CAPN11: variants seen among roughly 807,000 people sequenced by gnomAD.
The protein encoded by CAPN11 is calpain 11.
CAPN11 carries 108 observed loss-of-function variants against 105.3 expected under a neutral mutation model. The observed-to-expected ratio is 1.03, with a 90% CI of 0.88 to 1.20. The LOEUF is 1.20. Ranked by LOEUF, CAPN11 falls within the 50% of genes most tolerant of loss-of-function variation. The probability of loss-of-function intolerance (pLI) is 0.00; values close to 1 mark genes in which losing one functional copy is unlikely to be tolerated. For synonymous variants in CAPN11, 329 were observed against 344.5 expected (o/e 0.96, Z 0.50); for missense variants, 883 against 924.8 (o/e 0.95, Z 0.59).
In CAPN11 at chr6:44,173,306, C is replaced by T. The variant is rs1407041075; in HGVS notation, c.751C>T (p.Leu251Phe). 2.5e-6 allele frequency: 4 copies of T among 1,613,976 alleles called. No homozygotes were observed. The highest frequency in any genetic ancestry group is 3.4e-6 in the Non-Finnish European group (4 of 1,179,872). Reference protein sequence around the residue: ...FTGGVAQSFQLQRPPQNLLRL... With the variant: ...FTGGVAQSFQFQRPPQNLLRL... Reference sequence around the variant, plus strand: ...AGGAGGCGTGGCCCAGAGCTTCCAACTCCAGAGGCCCCCTCAGAACCTGCT... The same window carrying T: ...AGGAGGCGTGGCCCAGAGCTTCCAATTCCAGAGGCCCCCTCAGAACCTGCT... Residue 251 changes from leucine to phenylalanine, a missense_variant, in exon 7 of 23, where the codon CTC (leucine) becomes TTC (phenylalanine). Transcript: ENST00000398776.
intron 2 of CAPN11, 22 bp from the exon 3 acceptor site, chr6:44,169,259 T>C: frequency 6.3e-7 from 1 of 1,588,486 alleles, no homozygotes; most frequent in East Asian, 2.2e-5. Context: ...TTGCGTTATT[T>C]CTCTTTTTTT....
At position 44,177,400 on chromosome 6, in the gene CAPN11, A is replaced by G. The variant is rs780826286; in HGVS notation, c.1396A>G (p.Ile466Val). 2 of 1,613,268 alleles carry G rather than the reference A, an allele frequency of 1.2e-6. No individual in the cohort carries two copies. Among genetic ancestry groups the G allele is most frequent in the Admixed American group, 3.3e-5 (2 of 60,012 alleles). Residue 466 changes from isoleucine (I) to valine (V), a missense_variant, in exon 12 of 23, where the codon ATT becomes GTT. By Grantham distance (29) the Ile-to-Val change is conservative (BLOSUM62 3). Transcript: ENST00000398776. ...GCAGCAGGGAGCCCAGCTGCAGACCATTGGCTTTGTCCTCTACGCGGTGGG... is the reference window on the plus strand; with the variant it reads ...GCAGCAGGGAGCCCAGCTGCAGACCGTTGGCTTTGTCCTCTACGCGGTGGG... ...ARQQGAQLQT[I>V]GFVLYAVPKE...
chr6:44,170,911 A>T (rs528613128), intron 4 of CAPN11, among the ~76,000 whole-genome samples: 2 of 152,202 alleles, frequency 1.3e-5, no homozygotes, highest in South Asian at 4.2e-4. Context: ...CTCTTTAGGG[A>T]TAAAGCCAGG....
At chr6:44,169,785 C>T in intron 3 of CAPN11, 121 bp from the exon 4 acceptor site, 1 of 857,672 alleles carries the variant, frequency 1.2e-6, no homozygotes, top group Non-Finnish European at 1.9e-6. Context: ...TGTACCCTCT[C>T]CCTGCCCCTC....
Position 44,169,318 on chromosome 6 carries a change from A to G in CAPN11, c.126A>G (p.Ile42Met). The G allele has an allele frequency of 6.2e-7, 1 of 1,613,274 alleles. No individual in the cohort carries two copies. Among genetic ancestry groups the G allele is most frequent in the Non-Finnish European group, 8.5e-7 (1 of 1,179,588 alleles). The change falls in exon 3 of 23, where the codon ATA (isoleucine) becomes ATG (methionine). Residue 42 changes from isoleucine to methionine, a missense_variant. By Grantham distance (10) the Ile-to-Met change is conservative (BLOSUM62 1). Transcript: ENST00000398776. ...CTGATACGGGAATGGTGGCTCACAT[A>G]AACAACAGCCGGCTCAAGGCCAAGG... ...TFTDTGMVAH[I>M]NNSRLKAKGV...
intron 1 of CAPN11, among the ~76,000 whole-genome samples, chr6:44,165,905 T>C (rs796793937): frequency 2.6e-5 from 4 of 152,082 alleles, no homozygotes; most frequent in African/African-American, 9.6e-5. Flanking sequence ...TGTGATGAAT[T>C]GGAGAGGGTC....
chr6:44,179,887 C>G, intron 13 of CAPN11, 65 bp from the exon 14 acceptor site: 3 of 1,328,086 alleles, frequency 2.3e-6, no homozygotes, highest in East Asian at 2.3e-5. Flanking sequence ...GGCTGTTCAC[C>G]CTGGGGGACC....
At chr6:44,162,364 T>TA (rs1374758646) in intron 1 of CAPN11, among the ~76,000 whole-genome samples, 1 of 115,484 alleles carries the variant, frequency 8.7e-6, no homozygotes, top group Non-Finnish European at 1.8e-5. Context: ...TCTCTTTGAA[T>TA]AAAGACACAC....
chr6:44,170,108 C>T, intron 4 of CAPN11, 133 bp downstream of exon 4: 1 of 690,518 alleles, frequency 1.4e-6, no homozygotes, highest in Non-Finnish European at 2.6e-6. Context: ...TGTCCCTCCC[C>T]TTCTGAGGAG....
intron 11 of CAPN11, 112 bp downstream of exon 11, chr6:44,177,110 A>T: frequency 1.3e-6 from 2 of 1,485,816 alleles, no homozygotes; most frequent in Non-Finnish European, 9.2e-7. Context: ...CCATGAGGTC[A>T]AGGGTTAGTC....
chr6:44,172,507 G>GA (rs1771188258), intron 5 of CAPN11, 87 bp downstream of exon 5: 1 of 765,012 alleles, frequency 1.3e-6, no homozygotes, highest in Non-Finnish European at 2.0e-6. Context: ...CTTTCCTTTT[G>GA]AAAAATAGCA....
Position 44,179,632 on chromosome 6 carries a change from T to A in CAPN11, c.1428+2T>A. 6.2e-7 allele frequency: 1 copy of A among 1,613,002 alleles called. No individual in the cohort carries two copies. The highest frequency in any genetic ancestry group is 8.5e-7 in the Non-Finnish European group (1 of 1,179,160). ...TTCCCTTCCCAGGTCCCAAAAGAGG[T>A]ACAGAAGATAAAGATGTGGGGCTTG... On this transcript the variant is annotated splice_donor_variant, in intron 13 of 22. Transcript: ENST00000398776. LOFTEE classifies it high-confidence loss of function.
chr6:44,171,974 G>A (rs762044221), intron 4 of CAPN11, among the ~76,000 whole-genome samples: 2 of 152,204 alleles, frequency 1.3e-5, no homozygotes, highest in Non-Finnish European at 2.9e-5. Flanking sequence ...GCTGAGACAG[G>A]AGAATCGCTC....
intron 3 of CAPN11, 131 bp from the exon 4 acceptor site, chr6:44,169,775 T>C: frequency 1.2e-6 from 1 of 831,708 alleles, no homozygotes; most frequent in Admixed American, 2.2e-5. Context: ...AAGTTGGTCC[T>C]GTACCCTCTC....
intron 7 of CAPN11, 111 bp downstream of exon 7, chr6:44,173,497 GC>G: frequency 1.5e-6 from 1 of 674,494 alleles, no homozygotes; most frequent in Non-Finnish European, 2.5e-6. Flanking sequence ...CAGTTCAACT[GC>G]CCTTTCCCCA....
chr6:44,160,968 T>A (rs1451407496), intron 1 of CAPN11, among the ~76,000 whole-genome samples: 1 of 152,202 alleles, frequency 6.6e-6, no homozygotes, highest in Admixed American at 6.5e-5. Flanking sequence ...TATTGATATA[T>A]ACAGGGTTTG....
chr6:44,173,530 C>T (rs983635773), intron 7 of CAPN11, 144 bp downstream of exon 7: 25 of 591,552 alleles, frequency 4.2e-5, no homozygotes, highest in South Asian at 8.6e-5. Context: ...CCTACCTCCC[C>T]GTCTAAAGTC....
intron 19 of CAPN11, among the ~76,000 whole-genome samples, chr6:44,181,910 A>T (rs1582890762): frequency 3.6e-5 from 3 of 82,698 alleles, no homozygotes; most frequent in Admixed American, 1.1e-4. Flanking sequence ...CACCACACTC[A>T]CACACACATA....
intron 21 of CAPN11, 96 bp downstream of exon 21, chr6:44,183,331 C>T (rs1453982038): frequency 2.6e-6 from 2 of 782,192 alleles, no homozygotes; most frequent in African/African-American, 1.7e-5. Context: ...AGATCCCCTC[C>T]CCCTTACAAG....
Sources: allele counts gnomAD v4.1 joint callset (sites outside exome capture counted in the v4.1 genomes callset), GRCh38; gene constraint gnomAD v4.1.1; transcripts MANE v1.5; gene names NCBI Gene and HGNC (gene_info 2026-07-23, HGNC 2026-07-21).